Variants in CYP2R1 observed in about 807,000 individuals in gnomAD.
The protein encoded by CYP2R1 is cytochrome P450 family 2 subfamily R member 1, also known as vitamin D 25-hydroxylase.
A neutral mutation model predicts 45.7 loss-of-function variants in CYP2R1; 40 were observed. That is an observed-to-expected ratio of 0.87 (90% confidence interval 0.68 to 1.14). CYP2R1 has a LOEUF of 1.14. Among genes scored for constraint, CYP2R1 ranks in the 50% most tolerant of loss-of-function variants. The probability of loss-of-function intolerance (pLI) is 0.00; values close to 1 mark genes in which losing one functional copy is unlikely to be tolerated. For synonymous variants in CYP2R1, 234 were observed against 219.3 expected (o/e 1.07, Z -0.59); for missense variants, 605 against 602.6 (o/e 1.00, Z -0.04).
rs61742603 is a variant in CYP2R1, at chr11:14,880,315, T to C, written c.821A>G (p.Gln274Arg). The C allele has an allele frequency of 1.2e-6, 2 of 1,613,170 alleles. No homozygotes were observed. Among genetic ancestry groups the C allele is most frequent in the Non-Finnish European group, 1.7e-6 (2 of 1,179,564 alleles). The change falls in exon 3 of 5, where the codon CAG becomes CGG. Residue 274 changes from glutamine (Q) to arginine (R), a missense_variant. Gln to Arg is a conservative substitution (Grantham distance 43). Transcript: ENST00000334636. The stretch of plus-strand genomic sequence containing the variant: ...ATCTAAATAAGCATCAACAAAATGC[T>C]GAGGTAGCTGAGGCTTTCTGTTGAC... ...ASVNRKPQLP[Q>R]HFVDAYLDEM...
At chr11:14,882,449 T>TA (rs1302067771) in intron 2 of CYP2R1, among the ~76,000 whole-genome samples, 2 of 152,006 alleles carry the variant, frequency 1.3e-5, no homozygotes, top group African/African-American at 4.8e-5. Context: ...AAACCAGCCC[T>TA]AGAGAAATAT....
At chr11:14,887,071 G>A (rs1848649188) in intron 1 of CYP2R1, 2 of 152,262 alleles carry the variant, frequency 1.3e-5, no homozygotes, top group Non-Finnish European at 2.9e-5. Flanking sequence ...AAGTAAAAGG[G>A]AATGGCTACC....
chr11:14,878,011 T>C lies in CYP2R1; in HGVS notation c.*111A>G. ...ATTTTAAGACACATCTGTGTTCATT[T>C]GGCTTTTTGATGCTGTGACTTTTAT... On this transcript the variant is annotated 3_prime_UTR_variant, in exon 5 of 5. Coordinates refer to ENST00000334636, the MANE Select transcript of CYP2R1 (RefSeq NM_024514.5). 3 of 1,125,840 alleles carry C rather than the reference T, an allele frequency of 2.7e-6. No homozygotes were observed. The highest frequency in any genetic ancestry group is 3.9e-6 in the Non-Finnish European group (3 of 765,802). The allele number at this position is 1,125,840 out of a possible 1,614,324, so 69.7% of individuals were successfully genotyped here. A position where few individuals can be genotyped will look rare whatever the true frequency, so the allele number is the denominator to read the frequency against.
chr11:14,891,241 C>G lies in CYP2R1; in HGVS notation c.225+740G>C, dbSNP rs797030443. ...CGCAGAATGAGGAGGAGCGAAGTAC[C>G]GACCTCACCGGCTGGTTATGAGTTT... On this transcript the variant is annotated intron_variant, in intron 1 of 4. Transcript: ENST00000334636. 1.9e-5 allele frequency: 19 copies of G among 984,962 alleles called. No homozygotes were observed. In the African/African-American group the frequency reaches 3.3e-4, roughly 17 times the overall value. 61.0% of individuals were successfully genotyped at this position (984,962 alleles called of 1,614,324 possible).
At chr11:14,878,882 A>C (rs782481125) in intron 4 of CYP2R1, among the ~76,000 whole-genome samples, 2 of 152,076 alleles carry the variant, frequency 1.3e-5, no homozygotes, top group South Asian at 2.1e-4. Context: ...GATTTAGAAG[A>C]AGCCAGGGGT....
At chr11:14,891,252 G>A in intron 1 of CYP2R1, 2 of 985,064 alleles carry the variant, frequency 2.0e-6, no homozygotes, top group South Asian at 9.4e-5. Context: ...GACCTCACCG[G>A]CTGGTTATGA....
chr11:14,890,537 CTTT>C (rs71044028), intron 1 of CYP2R1: 50 of 64,402 alleles, frequency 7.8e-4, no homozygotes, highest in Non-Finnish European at 1.3e-3. Flanking sequence ...TAGACCAATT[CTTT>C]TTTTTTTTTT....
In CYP2R1 at chr11:14,891,987, G is replaced by T. The variant is rs1306247629; in HGVS notation, c.219C>A (p.Tyr73Ter). Residue 73 changes from tyrosine to a stop codon, truncating the protein, a stop_gained, in exon 1 of 5, where the codon TAC becomes TAA. Transcript: ENST00000334636. LOFTEE classifies it high-confidence loss of function. ...HVYMRKQSQV[Y>*]GEIFSLDLGG... ...GGGCCCGTCGGGGCTGTACCTCTCCGTACACCTGGCTCTGCTTTCTCATGT... is the reference window on the plus strand; with the variant it reads ...GGGCCCGTCGGGGCTGTACCTCTCCTTACACCTGGCTCTGCTTTCTCATGT... The T allele has an allele frequency of 3.1e-6, 5 of 1,613,122 alleles. No homozygotes were observed. The Admixed American group carries it at 8.3e-5, about 27-fold the overall frequency.
chr11:14,891,433 C>T (rs1376719005), intron 1 of CYP2R1: 17 of 985,786 alleles, frequency 1.7e-5, no homozygotes, highest in Non-Finnish European at 2.0e-5. Context: ...AATCGTTTCC[C>T]AGGGCCCGCT....
At chr11:14,879,697 A>G (rs1407026042) in intron 3 of CYP2R1, among the ~76,000 whole-genome samples, 2 of 152,108 alleles carry the variant, frequency 1.3e-5, no homozygotes, top group Non-Finnish European at 2.9e-5. Flanking sequence ...ATTTTTTATT[A>G]TCTGGGCGTT....
intron 1 of CYP2R1, among the ~76,000 whole-genome samples, chr11:14,889,301 A>G (rs1022988382): frequency 1.3e-5 from 2 of 152,206 alleles, no homozygotes; most frequent in Non-Finnish European, 2.9e-5. Flanking sequence ...CAACCTCCAA[A>G]AAAAGGTATA....
chr11:14,887,881 G>T (rs1165380381), intron 1 of CYP2R1, among the ~76,000 whole-genome samples: 3 of 152,130 alleles, frequency 2.0e-5, no homozygotes, highest in Non-Finnish European at 4.4e-5. Context: ...CAGGTGACCG[G>T]TCTAAGTCAC....
Position 14,878,072 on chromosome 11 carries a change from AG to A in CYP2R1, c.*49del. On this transcript the variant is annotated 3_prime_UTR_variant, in exon 5 of 5. Coordinates refer to ENST00000334636, the MANE Select transcript of CYP2R1 (RefSeq NM_024514.5). The stretch of plus-strand genomic sequence containing the variant: ...ACATTGATTTGATTAAACCAAGTTC[AG>A]GGATAAGGCAAATATACATTCTTGT... The A allele has an allele frequency of 6.3e-7, 1 of 1,592,774 alleles. No homozygotes were observed. Among genetic ancestry groups the A allele is most frequent in the Non-Finnish European group, 8.6e-7 (1 of 1,165,826 alleles).
chr11:14,879,077 T>G (rs1555010730), intron 4 of CYP2R1, 37 bp downstream of exon 4: 3 of 1,500,928 alleles, frequency 2.0e-6, no homozygotes, highest in Admixed American at 3.4e-5. Context: ...ATCATTATCC[T>G]TTATTCTAAA....
At chr11:14,887,697 C>A (rs1416009332) in intron 1 of CYP2R1, 13 of 960,462 alleles carry the variant, frequency 1.4e-5, no homozygotes, top group Non-Finnish European at 1.6e-5. Context: ...CATAATTTTT[C>A]ACTCTCCCAG....
chr11:14,877,855 A>G lies in CYP2R1; in HGVS notation c.*267T>C. On this transcript the variant is annotated 3_prime_UTR_variant, in exon 5 of 5. Transcript: ENST00000334636. ...ACAAGATGCTCAGCTTAGGGCGTCC[A>G]TGACCCTTCTTAGCATTTTAAGCAA... is the stretch of plus-strand genomic sequence containing the variant. 2.3e-6 allele frequency: 1 copy of G among 428,710 alleles called. No homozygotes were observed. Among genetic ancestry groups the G allele is most frequent in the Non-Finnish European group, 4.2e-6 (1 of 240,572 alleles). The allele number at this position is 428,710 out of a possible 1,614,324, so 26.6% of individuals were successfully genotyped here.
chr11:14,880,598 T>A lies in CYP2R1; in HGVS notation c.538A>T (p.Lys180Ter). The A allele has an allele frequency of 1.9e-6, 3 of 1,612,936 alleles. No individual in the cohort carries two copies. The highest frequency in any genetic ancestry group is 2.5e-6 in the Non-Finnish European group (3 of 1,179,318). ...ETYKGRPFDF[K>*]QLITNAVSNI... ...GAAACAGCATTCGTTATTAACTGTT[T>A]AAAGTCAAAAGGTCTACCTTTGTAT... Residue 180 changes from lysine to a stop codon, truncating the protein, a stop_gained, in exon 3 of 5, where the codon AAA becomes TAA. Coordinates refer to ENST00000334636, the MANE Select transcript of CYP2R1 (RefSeq NM_024514.5). LOFTEE classifies it high-confidence loss of function.
At chr11:14,892,355 G>T, upstream of CYP2R1, 1 of 722,398 alleles carries the variant, frequency 1.4e-6, no homozygotes, top group South Asian at 1.8e-5. Context: ...GGCCCCTTCG[G>T]GACAACTACC....
chr11:14,891,216 C>G, intron 1 of CYP2R1: 1 of 985,284 alleles, frequency 1.0e-6, no homozygotes, highest in Non-Finnish European at 1.2e-6. Context: ...CTTTCCCCTC[C>G]GCAGAATGAG....
Sources: allele counts gnomAD v4.1 joint callset (sites outside exome capture counted in the v4.1 genomes callset), GRCh38; gene constraint gnomAD v4.1.1; transcripts MANE v1.5; gene names NCBI Gene and HGNC (gene_info 2026-07-23, HGNC 2026-07-21).